The following SHOC2 variants were observed in gnomAD, a reference collection of about 807,000 sequenced individuals.
SHOC2 encodes SHOC2 leucine rich repeat scaffold protein.
SHOC2 carries 4 observed loss-of-function variants against 50.2 expected under a neutral mutation model. The ratio of observed to expected loss-of-function variants is 0.08; its 90% CI spans 0.04 to 0.18. The LOEUF is 0.18. SHOC2 is among the 10% of genes least tolerant of loss of function. SHOC2 has a pLI of 1.00. For missense variants in SHOC2, 388 were observed against 669.6 expected (o/e 0.58, Z 4.64); for synonymous variants, 218 against 244.5 (o/e 0.89, Z 1.01).
At chr10:110,936,569 G>C in intron 1 of SHOC2, 1 of 588,698 alleles carries the variant, frequency 1.7e-6, no homozygotes, top group East Asian at 3.1e-5. Flanking sequence ...TCTTAGGAAA[G>C]GGCATGTCCT....
At chr10:110,986,276 G>T (rs996999631) in intron 3 of SHOC2, among the ~76,000 whole-genome samples, 1 of 152,062 alleles carries the variant, frequency 6.6e-6, no homozygotes, top group Non-Finnish European at 1.5e-5. Flanking sequence ...ATTGAATTGA[G>T]CTGTGATATG....
intron 3 of SHOC2, among the ~76,000 whole-genome samples, chr10:110,998,570 C>A (rs1392610263): frequency 2.6e-5 from 4 of 152,154 alleles, no homozygotes; most frequent in African/African-American, 9.7e-5. Flanking sequence ...TGGAATCTCA[C>A]TTAATTAGAC....
chr10:110,928,749 A>G (rs976797884), intron 1 of SHOC2, among the ~76,000 whole-genome samples: 3 of 151,902 alleles, frequency 2.0e-5, no homozygotes, highest in Non-Finnish European at 4.4e-5. Flanking sequence ...ACAAAAATTA[A>G]CAGGGTGTGG....
intron 4 of SHOC2, among the ~76,000 whole-genome samples, chr10:111,001,577 G>A (rs1230915183): frequency 6.6e-6 from 1 of 152,198 alleles, no homozygotes; most frequent in Non-Finnish European, 1.5e-5. Context: ...GTTCAAGCAT[G>A]TCTTTCTGTA....
rs1318159888 is a variant in SHOC2 at position 111,004,632 on chromosome 10, G to T, written c.999G>T (p.Leu333=). 6.2e-7 allele frequency: 1 copy of T among 1,612,740 alleles called. No individual in the cohort carries two copies. The highest frequency in any genetic ancestry group is 1.3e-5 in the African/African-American group (1 of 74,854). ...GTCTTTTATCAAGTCTTGTGAAACTGAATAGTTTGACCTTAGCTAGAAATT... is the reference window on the plus strand; with the variant it reads ...GTCTTTTATCAAGTCTTGTGAAACTTAATAGTTTGACCTTAGCTAGAAATT... ...PESLLSSLVK[L]NSLTLARNCF... Residue 333 remains leucine (L), a synonymous_variant, in exon 5 of 9, where the codon CTG becomes CTT. Coordinates refer to ENST00000369452, the MANE Select transcript of SHOC2 (RefSeq NM_007373.4).
chr10:110,921,313 A>G (rs1010215762), intron 1 of SHOC2, among the ~76,000 whole-genome samples: 26 of 152,318 alleles, frequency 1.7e-4, no homozygotes, highest in Non-Finnish European at 1.5e-4. Context: ...CTTTATTTGG[A>G]CATAAAGTAT....
chr10:110,922,516 A>G (rs977028030), intron 1 of SHOC2, among the ~76,000 whole-genome samples: 6 of 152,118 alleles, frequency 3.9e-5, no homozygotes, highest in African/African-American at 1.4e-4. Context: ...TAACTAAAAG[A>G]TACAAACTCT....
chr10:110,985,887 A>T, intron 3 of SHOC2, 122 bp downstream of exon 3: 1 of 830,176 alleles, frequency 1.2e-6, no homozygotes, highest in East Asian at 2.6e-5. Context: ...CAAAGTTGTA[A>T]AACTTTTAAG....
At chr10:110,925,902 A>C (rs1276025367) in intron 1 of SHOC2, among the ~76,000 whole-genome samples, 2 of 152,170 alleles carry the variant, frequency 1.3e-5, no homozygotes, top group African/African-American at 4.8e-5. Context: ...AATTATTTTT[A>C]TTATAGAAAT....
intron 2 of SHOC2, 80 bp downstream of exon 2, chr10:110,965,141 C>G (rs148282065): frequency 1.6e-6 from 2 of 1,245,222 alleles, no homozygotes; most frequent in Admixed American, 1.9e-5. Context: ...TCAAAAAATG[C>G]CTGATACTTG....
At chr10:110,951,915 C>T (rs1847360898) in intron 1 of SHOC2, 1 of 152,210 alleles carries the variant, frequency 6.6e-6, no homozygotes, top group African/African-American at 2.4e-5. Context: ...GCCTCAGGCT[C>T]TTAAATTACT....
At chr10:111,005,799 G>A (rs1239988010) in intron 5 of SHOC2, among the ~76,000 whole-genome samples, 4 of 152,174 alleles carry the variant, frequency 2.6e-5, no homozygotes, top group Non-Finnish European at 5.9e-5. Flanking sequence ...AACTGAATTG[G>A]CCACATAGCT....
At position 110,968,592 on chromosome 10, in the gene SHOC2, A is replaced by G. The variant is rs550596250; in HGVS notation, c.703+3531A>G. On this transcript the variant is annotated intron_variant, in intron 2 of 8. Coordinates refer to ENST00000369452, the MANE Select transcript of SHOC2 (RefSeq NM_007373.4). ...GCTTATTCTTCTTGTTTGAATAAATATATCACTTTAAATCATGCCATCCAG... is the reference window on the plus strand; with the variant it reads ...GCTTATTCTTCTTGTTTGAATAAATGTATCACTTTAAATCATGCCATCCAG... Among the ~76,000 whole-genome samples the G allele has an allele frequency of 9.2e-5, 14 of 151,842 alleles. 1 individual carries two copies. The South Asian group carries it at 2.7e-3, about 29-fold the overall frequency.
intron 4 of SHOC2, among the ~76,000 whole-genome samples, chr10:111,002,059 T>A (rs533045533): frequency 1.3e-4 from 19 of 150,586 alleles, no homozygotes; most frequent in Non-Finnish European, 2.7e-4. Context: ...AAAAAAAAAA[T>A]AAGTGAAAAA....
In SHOC2 at chr10:111,012,108, A is replaced by C; in HGVS notation, c.*290A>C. The C allele has an allele frequency of 2.6e-6, 1 of 388,594 alleles. No individual in the cohort carries two copies. Among genetic ancestry groups the C allele is most frequent in the Non-Finnish European group, 4.7e-6 (1 of 211,630 alleles). The allele number at this position is 388,594 out of a possible 1,614,324, so 24.1% of individuals were successfully genotyped here. ...AACACATTATGAAGTTATTAAATTTAAGGGACAGAGGTAGTATAGTTAGAT... is the reference window on the plus strand; with the variant it reads ...AACACATTATGAAGTTATTAAATTTCAGGGACAGAGGTAGTATAGTTAGAT... On this transcript the variant is annotated 3_prime_UTR_variant, in exon 9 of 9. Coordinates refer to ENST00000369452, the MANE Select transcript of SHOC2 (RefSeq NM_007373.4).
intron 4 of SHOC2, among the ~76,000 whole-genome samples, chr10:111,004,035 G>C (rs1848426499): frequency 6.6e-6 from 1 of 152,122 alleles, no homozygotes; most frequent in African/African-American, 2.4e-5. Flanking sequence ...GTACATATAT[G>C]CCCTCAGAAA....
chr10:110,974,026 G>T (rs534308402), intron 2 of SHOC2, among the ~76,000 whole-genome samples: 5 of 151,494 alleles, frequency 3.3e-5, no homozygotes, highest in Non-Finnish European at 5.9e-5. Context: ...CTTTGTTTCT[G>T]GTCTTTATTT....
chr10:110,949,622 A>G (rs1847312219), intron 1 of SHOC2, among the ~76,000 whole-genome samples: 1 of 152,214 alleles, frequency 6.6e-6, no homozygotes, highest in East Asian at 1.9e-4. Context: ...AAACAAGGAC[A>G]CTAAAAGAAA....
intron 1 of SHOC2, among the ~76,000 whole-genome samples, chr10:110,940,910 G>GTTTTGTTTTTTTTT (rs1847125939): frequency 8.4e-6 from 1 of 119,504 alleles, no homozygotes; most frequent in Non-Finnish European, 1.7e-5. Context: ...TTTGTGGTGG[G>GTTTTGTTTTTTTTT]TTTTTTTTTT....
Sources: allele counts gnomAD v4.1 joint callset (sites outside exome capture counted in the v4.1 genomes callset), GRCh38; gene constraint gnomAD v4.1.1; transcripts MANE v1.5; gene names NCBI Gene and HGNC (gene_info 2026-07-23, HGNC 2026-07-21).